The following LRIF1 variants were observed in gnomAD, a reference collection of about 807,000 sequenced individuals.
LRIF1 encodes the protein ligand-dependent nuclear receptor-interacting factor 1.
In LRIF1, 32 loss-of-function variants were observed where a neutral mutation model predicts 52.7. The observed-to-expected ratio is 0.61, with a 90% CI of 0.46 to 0.82. The LOEUF (loss-of-function observed/expected upper bound fraction) is 0.82. Ranked by LOEUF, LRIF1 falls within the 40% of genes least tolerant of loss-of-function variation. The pLI is 0.00. For missense variants in LRIF1, 887 were observed against 892.0 expected (o/e 0.99, Z 0.07); for synonymous variants, 323 against 317.4 (o/e 1.02, Z -0.19).
chr1:110,886,285 T>G, the LRIF1 span, among the ~76,000 whole-genome samples: 1 of 152,214 alleles, frequency 6.6e-6, no homozygotes, highest in Non-Finnish European at 1.5e-5. Context: ...TTTAAGATTT[T>G]CTTTTTATCA....
At chr1:110,931,613 T>G in the LRIF1 span, among the ~76,000 whole-genome samples, 1 of 152,182 alleles carries the variant, frequency 6.6e-6, no homozygotes, top group East Asian at 1.9e-4. Flanking sequence ...AGTGTAAAAG[T>G]GTTCCTATTT....
rs368113063 is a variant in LRIF1 at position 110,949,893 on chromosome 1, G to T, written c.1827C>A (p.Tyr609Ter). 7.4e-6 allele frequency: 12 copies of T among 1,614,004 alleles called. No individual in the cohort carries two copies. Among genetic ancestry groups the T allele is most frequent in the Non-Finnish European group, 8.5e-6 (10 of 1,179,990 alleles). ...SFSSLVKSGT[Y>*]KETEFMVKEG... ...CCTTCACCATAAACTCTGTCTCTTT[G>T]TAAGTACCACTCTTTACCAAACTGC... is the stretch of plus-strand genomic sequence containing the variant. Residue 609 changes from tyrosine to a stop codon, truncating the protein, a stop_gained, in exon 3 of 4, where the codon TAC becomes TAA. Coordinates refer to ENST00000369763, the MANE Select transcript of LRIF1 (RefSeq NM_018372.4). LOFTEE classifies it low-confidence loss of function (END_TRUNC).
chr1:110,896,294 C>T, the LRIF1 span, among the ~76,000 whole-genome samples: 1 of 152,122 alleles, frequency 6.6e-6, no homozygotes, highest in Non-Finnish European at 1.5e-5. Context: ...CCTGTTGCAT[C>T]GTGTAAGCAG....
chr1:110,951,858 AG>A lies in LRIF1; in HGVS notation c.1025del (p.Pro342LeufsTer50). 6.2e-7 allele frequency: 1 copy of A among 1,613,652 alleles called. No individual in the cohort carries two copies. On this transcript the variant is annotated frameshift_variant, in exon 2 of 4. Transcript: ENST00000369763. LOFTEE classifies it high-confidence loss of function. The part of the protein sequence containing the change: ...INMPPLSTID[P>X]SGTRSKNMPI... ...GCATATTTTTGGATCGCGTCCCACTAGGATCGATGGTACTCAATGGTGGCAT... is the reference window on the plus strand; with the variant it reads ...GCATATTTTTGGATCGCGTCCCACTAGATCGATGGTACTCAATGGTGGCAT...
the LRIF1 span, among the ~76,000 whole-genome samples, chr1:110,883,882 C>G: frequency 3.1e-3 from 466 of 152,006 alleles, 1 homozygote; most frequent in Non-Finnish European, 5.5e-3. Flanking sequence ...GTGTTGTTCT[C>G]TCAATCCTAA....
chr1:110,924,770 T>C, the LRIF1 span, among the ~76,000 whole-genome samples: 3 of 152,122 alleles, frequency 2.0e-5, no homozygotes, highest in Admixed American at 6.5e-5. Flanking sequence ...AGAAAAATTA[T>C]AGCCATTCTC....
Position 110,952,154 on chromosome 1 carries a change from T to G in LRIF1, c.730A>C (p.Lys244Gln). The stretch of plus-strand genomic sequence containing the variant: ...TTTGGGTAAATGTTTTGAAAGTTCT[T>G]GGTAACTACATTTTTCACTGTATTT... ...PVNTVKNVVT[K>Q]NFQNIYPKPV... Residue 244 changes from lysine to glutamine, a missense_variant, in exon 2 of 4, where the codon AAG (lysine) becomes CAG (glutamine). Physicochemically the swap from Lys to Gln is moderately conservative, Grantham distance 53 (BLOSUM62 1). Transcript: ENST00000369763. 6.2e-7 allele frequency: 1 copy of G among 1,614,214 alleles called. No homozygotes were observed. The highest frequency in any genetic ancestry group is 8.5e-7 in the Non-Finnish European group (1 of 1,180,032).
rs1658268263 is a variant in LRIF1, at chr1:110,947,887, C to T, written c.*72G>A. 1 of 1,505,868 alleles carries T rather than the reference C, an allele frequency of 6.6e-7. No individual in the cohort carries two copies. Among genetic ancestry groups the T allele is most frequent in the Admixed American group, 2.3e-5 (1 of 43,576 alleles). 93.3% of individuals were successfully genotyped at this position (1,505,868 alleles called of 1,614,324 possible). ...ATTCAAAGACACTTTCAGAACACAC[C>T]TACAATTAACTTATTAATGCTGAAG... is the stretch of plus-strand genomic sequence containing the variant. On this transcript the variant is annotated 3_prime_UTR_variant, in exon 4 of 4. Coordinates refer to ENST00000369763, the MANE Select transcript of LRIF1 (RefSeq NM_018372.4).
intron 1 of LRIF1, among the ~76,000 whole-genome samples, chr1:110,962,763 T>C (rs1659012639): frequency 6.6e-6 from 1 of 152,174 alleles, no homozygotes; most frequent in African/African-American, 2.4e-5. Flanking sequence ...TCCTCTTCCA[T>C]GAGTTTTGCA....
At chr1:110,955,711 C>A (rs1658668184) in intron 1 of LRIF1, among the ~76,000 whole-genome samples, 3 of 152,168 alleles carry the variant, frequency 2.0e-5, no homozygotes, top group Non-Finnish European at 4.4e-5. Flanking sequence ...GTAGACAACT[C>A]TTTTTAAACT....
the LRIF1 span, chr1:110,894,348 ATCC>A: frequency 6.2e-7 from 1 of 1,614,106 alleles, no homozygotes; most frequent in East Asian, 2.2e-5. Context: ...GCTGCTGATT[ATCC>A]TCCTTGCTGA....
chr1:110,943,327 A>T (rs1658132387), downstream of LRIF1: 1 of 152,190 alleles, frequency 6.6e-6, no homozygotes, highest in South Asian at 2.1e-4. Flanking sequence ...ATGAAGAATA[A>T]TGTTGTGAAG....
downstream of LRIF1, among the ~76,000 whole-genome samples, chr1:110,946,031 A>C (rs1421127138): frequency 6.6e-6 from 1 of 152,204 alleles, no homozygotes; most frequent in Admixed American, 6.5e-5. Context: ...TATACCCATT[A>C]AAAAACCTTG....
intron 3 of LRIF1, 137 bp from the exon 4 acceptor site, chr1:110,948,536 A>G: frequency 7.7e-7 from 1 of 1,296,458 alleles, no homozygotes; most frequent in Non-Finnish European, 1.0e-6. Flanking sequence ...AGACAACTAC[A>G]GCAAGAGGGA....
intron 1 of LRIF1, among the ~76,000 whole-genome samples, chr1:110,957,470 CAAAAAAAAA>C (rs34396800): frequency 1.2e-4 from 5 of 42,794 alleles, no homozygotes; most frequent in African/African-American, 3.4e-4. Flanking sequence ...GACTCAGTCT[CAAAAAAAAA>C]AAAAAAAAAA....
chr1:110,956,031 TG>T (rs1658684039), intron 1 of LRIF1, among the ~76,000 whole-genome samples: 2 of 152,178 alleles, frequency 1.3e-5, no homozygotes, highest in African/African-American at 4.8e-5. Context: ...CATACAACTT[TG>T]GGGTTAGGAG....
chr1:110,878,563 A>AT, the LRIF1 span, among the ~76,000 whole-genome samples: 13 of 151,784 alleles, frequency 8.6e-5, no homozygotes, highest in South Asian at 6.3e-4. Context: ...TAAATGTAGA[A>AT]TTTTTTTTTA....
the LRIF1 span, among the ~76,000 whole-genome samples, chr1:110,900,740 A>G: frequency 7.2e-6 from 1 of 138,524 alleles, no homozygotes; most frequent in South Asian, 2.4e-4. Flanking sequence ...TGAATTGTTC[A>G]GCTCACACTC....
chr1:110,880,853 G>C, the LRIF1 span, among the ~76,000 whole-genome samples: 1 of 152,128 alleles, frequency 6.6e-6, no homozygotes, highest in Non-Finnish European at 1.5e-5. Flanking sequence ...ATACTCCTTA[G>C]GGCAAGTGAG....
Sources: allele counts gnomAD v4.1 joint callset (sites outside exome capture counted in the v4.1 genomes callset), GRCh38; gene constraint gnomAD v4.1.1; transcripts MANE v1.5; gene names NCBI Gene and HGNC (gene_info 2026-07-23, HGNC 2026-07-21).